BIN2: variants seen among roughly 807,000 people sequenced by gnomAD.
BIN2 encodes breast cancer associated protein BRAP1.
A neutral mutation model predicts 67.9 loss-of-function variants in BIN2; 43 were observed. That is an observed-to-expected ratio of 0.63 (90% confidence interval 0.50 to 0.82). The LOEUF (loss-of-function observed/expected upper bound fraction) is 0.82, where lower values mean the gene tolerates loss of function less well. Ranked by LOEUF, BIN2 falls within the 40% of genes least tolerant of loss-of-function variation. BIN2 has a pLI of 0.00. For synonymous variants in BIN2, 244 were observed against 246.8 expected (o/e 0.99, Z 0.11); for missense variants, 581 against 671.6 (o/e 0.87, Z 1.49).
upstream of BIN2, chr12:51,324,519 G>A (rs1241122934): frequency 6.5e-6 from 10 of 1,531,092 alleles, no homozygotes; most frequent in African/African-American, 1.4e-5. Context: ...CTACCATATC[G>A]AAAACACGTT....
chr12:51,297,379 T>A lies in BIN2; in HGVS notation c.603-215A>T, dbSNP rs763634686. On this transcript the variant is annotated intron_variant, in intron 7 of 12. Coordinates refer to ENST00000615107, the MANE Select transcript of BIN2 (RefSeq NM_016293.4). Reference sequence around the variant, plus strand: ...GTCAGGAGATCAAGACCATCCTGGCTAACATGGTAAAACCCGTCTCTACTA... The same window carrying A: ...GTCAGGAGATCAAGACCATCCTGGCAAACATGGTAAAACCCGTCTCTACTA... 92 of 381,046 alleles carry A rather than the reference T, an allele frequency of 2.4e-4. No homozygotes were observed. In the East Asian group the frequency reaches 4.4e-3, roughly 18 times the overall value. 23.6% of individuals were successfully genotyped at this position (381,046 alleles called of 1,614,324 possible).
At chr12:51,312,536 G>A (rs1946021178) in intron 2 of BIN2, among the ~76,000 whole-genome samples, 1 of 152,034 alleles carries the variant, frequency 6.6e-6, no homozygotes, top group African/African-American at 2.4e-5. Context: ...TCGTTACTTA[G>A]GTTGCCGAAT....
At chr12:51,289,840 G>A (rs1397466765) in intron 10 of BIN2, among the ~76,000 whole-genome samples, 1 of 151,602 alleles carries the variant, frequency 6.6e-6, no homozygotes, top group African/African-American at 2.4e-5. Flanking sequence ...CAAGTAAGGA[G>A]CAGCCTTTTC....
At chr12:51,298,534 G>T (rs187711570) in intron 7 of BIN2, among the ~76,000 whole-genome samples, 1 of 151,944 alleles carries the variant, frequency 6.6e-6, no homozygotes. Flanking sequence ...ATGAGACCCT[G>T]TCTCAAAATA....
rs760296366 is a variant in BIN2 at position 51,295,873 on chromosome 12, G to A, written c.684C>T (p.Asn228=). The change falls in exon 9 of 13, where the codon AAC becomes AAT. Residue 228 remains asparagine, a synonymous_variant. Transcript: ENST00000615107. ...DVFYREMSKL[N]HNLYEVMSKL... Reference sequence around the variant, plus strand: ...TGCTCATCACCTCGTAGAGATTGTGGTTCAGCTAGAGCCAATAAGAAAGAA... The same window carrying A: ...TGCTCATCACCTCGTAGAGATTGTGATTCAGCTAGAGCCAATAAGAAAGAA... 6.2e-7 allele frequency: 1 copy of A among 1,612,050 alleles called. No individual in the cohort carries two copies. Among genetic ancestry groups the A allele is most frequent in the Non-Finnish European group, 8.5e-7 (1 of 1,178,932 alleles).
intron 10 of BIN2, among the ~76,000 whole-genome samples, chr12:51,290,259 G>C (rs192203014): frequency 5.9e-5 from 9 of 151,732 alleles, no homozygotes; most frequent in Admixed American, 5.3e-4. Context: ...CTTCCAAGTA[G>C]CTGAGACTAC....
At chr12:51,301,535 A>G (rs1198101281) in intron 5 of BIN2, among the ~76,000 whole-genome samples, 1 of 151,970 alleles carries the variant, frequency 6.6e-6, no homozygotes, top group Non-Finnish European at 1.5e-5. Flanking sequence ...TTTTTGAGAC[A>G]CCAGCCTCTG....
rs1057181400 is a variant in BIN2, at chr12:51,292,312, G to C, written c.794C>G (p.Pro265Arg). 1.9e-6 allele frequency: 3 copies of C among 1,591,768 alleles called. No homozygotes were observed. The highest frequency in any genetic ancestry group is 1.1e-5 in the South Asian group (1 of 90,676). ...SSRRSLVISP[P>R]VRTATVSSPL... ...ACTGGAGACTGTAGCTGTTCGAACT[G>C]GGGGAGAAATGACTAAAGAGCGCCT... The change falls in exon 10 of 13, where the codon CCA becomes CGA. Residue 265 changes from proline (P) to arginine (R), a missense_variant. Physicochemically the swap from Pro to Arg is moderately radical, Grantham distance 103. Coordinates refer to ENST00000615107, the MANE Select transcript of BIN2 (RefSeq NM_016293.4).
Position 51,324,121 on chromosome 12 carries a change from G to T in BIN2, c.-19C>A. ...CTGCCATCCTGCCAACTCCCTGGGGGCCGCCGCCCTGGCCCCGCGCCCTGT... is the reference window on the plus strand; with the variant it reads ...CTGCCATCCTGCCAACTCCCTGGGGTCCGCCGCCCTGGCCCCGCGCCCTGT... On this transcript the variant is annotated 5_prime_UTR_variant, in exon 1 of 13. Transcript: ENST00000615107. 3 of 1,611,626 alleles carry T rather than the reference G, an allele frequency of 1.9e-6. No homozygotes were observed. The highest frequency in any genetic ancestry group is 2.5e-6 in the Non-Finnish European group (3 of 1,178,908).
intron 9 of BIN2, among the ~76,000 whole-genome samples, 166 bp downstream of exon 9, chr12:51,295,621 TATATATATA>T (rs1945543858): frequency 1.1e-5 from 1 of 87,502 alleles, no homozygotes; most frequent in Non-Finnish European, 2.3e-5. Flanking sequence ...TATATATATA[TATATATATA>T]TTTAGTAAAA....
Position 51,309,600 on chromosome 12 carries a change from G to A in BIN2, c.162+4223C>T, listed in dbSNP as rs74093821. On this transcript the variant is annotated intron_variant, in intron 2 of 12. Coordinates refer to ENST00000615107, the MANE Select transcript of BIN2 (RefSeq NM_016293.4). The stretch of plus-strand genomic sequence containing the variant: ...AAGGTCTCACTATGTTGCCCAGGCT[G>A]GTCTTGAACCCCTGGCCCTTCCGCT... Among the ~76,000 whole-genome samples the A allele has an allele frequency of 6.8e-3, 1,037 of 152,146 alleles. 7 individuals are homozygous for A. The highest frequency in any genetic ancestry group is 0.024 in the African/African-American group (978 of 41,518).
chr12:51,288,061 A>G (rs1565669986), intron 11 of BIN2, 47 bp downstream of exon 11: 4 of 1,328,430 alleles, frequency 3.0e-6, no homozygotes, highest in East Asian at 4.6e-5. Context: ...ATTTTAATGT[A>G]CAAAAAAATA....
chr12:51,292,293 G>A lies in BIN2; in HGVS notation c.813C>T (p.Val271=). Residue 271 remains valine, a synonymous_variant, in exon 10 of 13, where the codon GTC becomes GTT. Coordinates refer to ENST00000615107, the MANE Select transcript of BIN2 (RefSeq NM_016293.4). ...VISPPVRTAT[V]SSPLTSPTSP... is the part of the protein sequence containing the mutation. ...TAGTAGGTGAGGTAAGAGGACTGGA[G>A]ACTGTAGCTGTTCGAACTGGGGGAG... 14 of 1,599,318 alleles carry A rather than the reference G, an allele frequency of 8.8e-6. No individual in the cohort carries two copies. Among genetic ancestry groups the A allele is most frequent in the Non-Finnish European group, 1.1e-5 (13 of 1,178,950 alleles).
At position 51,295,861 on chromosome 12, in the gene BIN2, G is replaced by A. The variant is rs771769155; in HGVS notation, c.696C>T (p.Tyr232=). 6.2e-5 allele frequency: 100 copies of A among 1,612,266 alleles called. No homozygotes were observed. The highest frequency in any genetic ancestry group is 8.4e-5 in the Admixed American group (5 of 59,828). Residue 232 remains tyrosine (Y), a synonymous_variant, in exon 9 of 13, where the codon TAC becomes TAT. Transcript: ENST00000615107. ...GCTTCTCCAGTTTGCTCATCACCTC[G>A]TAGAGATTGTGGTTCAGCTAGAGCC... ...REMSKLNHNL[Y]EVMSKLEKQH...
At position 51,299,676 on chromosome 12, in the gene BIN2, A is replaced by G. The variant is rs1945668793; in HGVS notation, c.447T>C (p.Tyr149=). Residue 149 remains tyrosine (Y), a synonymous_variant, in exon 6 of 13, where the codon TAT becomes TAC. Transcript: ENST00000615107. ...IAKRGRKLVD[Y]DSARHHLEAV... is the part of the protein sequence containing the mutation. ...CCTCCAGGTGGTGTCGGGCACTGTC[A>G]TAGTCCACGAGTTTCCGACCCCGCT... 2.5e-6 allele frequency: 4 copies of G among 1,613,962 alleles called. No individual in the cohort carries two copies. The highest frequency in any genetic ancestry group is 2.7e-5 in the African/African-American group (2 of 74,878).
chr12:51,323,221 G>A lies in BIN2; in HGVS notation c.81+801C>T, dbSNP rs942264169. ...CTTGTCTACTAGAGGGTTGGTAGGT[G>A]GAGAGCAGAGGCTCAGGTTAGAAGC... On this transcript the variant is annotated intron_variant, in intron 1 of 12. Coordinates refer to ENST00000615107, the MANE Select transcript of BIN2 (RefSeq NM_016293.4). 3.9e-5 allele frequency: 6 copies of A among 152,364 alleles called. No individual in the cohort carries two copies. The East Asian group carries it at 9.6e-4, about 24-fold the overall frequency. The allele number at this position is 152,364 out of a possible 1,614,324, so 9.4% of individuals were successfully genotyped here.
chr12:51,295,080 G>A (rs542113454), intron 9 of BIN2, among the ~76,000 whole-genome samples: 1 of 151,898 alleles, frequency 6.6e-6, no homozygotes, highest in African/African-American at 2.4e-5. Context: ...GTACAGTTAC[G>A]CACCACCTTG....
chr12:51,288,661 T>C (rs1945305591), intron 10 of BIN2, among the ~76,000 whole-genome samples: 1 of 152,148 alleles, frequency 6.6e-6, no homozygotes, highest in Non-Finnish European at 1.5e-5. Context: ...TAAGTAATTG[T>C]AGAATGAATA....
At chr12:51,295,494 C>T (rs1165075385) in intron 9 of BIN2, among the ~76,000 whole-genome samples, 4 of 145,174 alleles carry the variant, frequency 2.8e-5, no homozygotes, top group Non-Finnish European at 6.0e-5. Flanking sequence ...ACCCGGGAGG[C>T]GGAGCTTGCA....
Sources: gnomAD v4.1 joint callset for allele counts (sites outside exome capture counted in the v4.1 genomes callset) on GRCh38, gnomAD v4.1.1 for gene constraint, MANE v1.5 for transcripts, NCBI Gene and HGNC (gene_info 2026-07-23, HGNC 2026-07-21) for gene names.